STK3: variants seen among roughly 807,000 people sequenced by gnomAD.
STK3 encodes serine/threonine-protein kinase 3.
Under a neutral mutation model 58.0 loss-of-function variants are expected in STK3, and 41 were observed. That is an observed-to-expected ratio of 0.71 (90% confidence interval 0.55 to 0.92). STK3 has a LOEUF of 0.92. Ranked by LOEUF, STK3 falls within the 40% of genes least tolerant of loss-of-function variation. The probability of loss-of-function intolerance (pLI) is 0.00; values close to 1 mark genes in which losing one functional copy is unlikely to be tolerated. For synonymous variants in STK3, 170 were observed against 191.0 expected, an observed-to-expected ratio of 0.89 and a Z score of 0.91; for missense variants, 479 against 602.7, an observed-to-expected ratio of 0.79 and a Z score of 2.15.
intron 1 of STK3, among the ~76,000 whole-genome samples, chr8:98,784,786 AG>A (rs1832352463): frequency 6.6e-6 from 1 of 151,888 alleles, no homozygotes; most frequent in African/African-American, 2.4e-5. Flanking sequence ...CACATGGACT[AG>A]CAGATTGAGT....
chr8:98,891,630 A>T (rs979083730), intron 1 of STK3, among the ~76,000 whole-genome samples: 22 of 149,852 alleles, frequency 1.5e-4, no homozygotes, highest in South Asian at 6.3e-4. Context: ...TGTGTGTGAG[A>T]GAGAGAGAGA....
intron 10 of STK3, among the ~76,000 whole-genome samples, chr8:98,516,401 C>G (rs994556741): frequency 6.6e-6 from 1 of 151,992 alleles, no homozygotes; most frequent in African/African-American, 2.4e-5. Context: ...ATGATGACTA[C>G]TAGACACCCA....
intron 1 of STK3, among the ~76,000 whole-genome samples, chr8:98,935,993 T>C (rs1335201452): frequency 1.3e-5 from 2 of 152,130 alleles, no homozygotes; most frequent in Non-Finnish European, 2.9e-5. Context: ...ATTGGCTCAC[T>C]GCAAGCTCCA....
intron 3 of STK3, among the ~76,000 whole-genome samples, chr8:98,846,371 C>T (rs756839272): frequency 3.3e-5 from 5 of 152,192 alleles, no homozygotes; most frequent in Non-Finnish European, 5.9e-5. Context: ...AGCAAAAGTT[C>T]AAACCATGAC....
At position 98,679,381 on chromosome 8, in the gene STK3, T is replaced by A. The variant is rs541909783; in HGVS notation, c.684+27086A>T. ...GATACCCTCATTTTCTTCAGCTTTT[T>A]ATTCCAGTATCATCTTCTCAATGAG... On this transcript the variant is annotated intron_variant, in intron 6 of 10. Transcript: ENST00000419617. 2.4e-4 allele frequency among the ~76,000 whole-genome samples: 37 copies of A among 152,344 alleles called. No individual in the cohort carries two copies. The East Asian group carries it at 6.7e-3, about 28-fold the overall frequency.
intron 6 of STK3, among the ~76,000 whole-genome samples, chr8:98,670,652 GAAT>G (rs1475846967): frequency 6.6e-6 from 1 of 152,104 alleles, no homozygotes; most frequent in East Asian, 1.9e-4. Flanking sequence ...GGTTCTTTCT[GAAT>G]AATGCTTTTT....
chr8:98,861,590 C>T lies in STK3; in HGVS notation c.110+22057G>A, dbSNP rs77344194. ...CTCGAACTCCTGAGCTTGGGCAATC[C>T]GCCCACCTTGGTCTCCCAAAGTGCT... On this transcript the variant is annotated intron_variant, in intron 3 of 12. Transcript: ENST00000523601. Among the ~76,000 whole-genome samples the T allele has an allele frequency of 3.9e-3, 593 of 152,096 alleles. 24 individuals carry two copies. In the East Asian group the frequency reaches 0.091, roughly 23 times the overall value.
Position 98,800,356 on chromosome 8 carries a change from A to C in STK3, c.26+25159T>G, listed in dbSNP as rs1564013412. Among the ~76,000 whole-genome samples the C allele has an allele frequency of 6.6e-6, 1 of 152,248 alleles. No homozygotes were observed. The highest frequency in any genetic ancestry group is 1.5e-5 in the Non-Finnish European group (1 of 68,036). ...AGCCCCTATCCAGCAGGAAGTAGTT[A>C]GAGCGGTCATCGGCCAAATTCCCAA... On this transcript the variant is annotated intron_variant, in intron 1 of 10. Transcript: ENST00000419617. The surrounding 1 kb of genome is among the most constrained non-coding windows in gnomAD (Gnocchi z 4.8).
chr8:98,588,597 A>G (rs1049661753), intron 7 of STK3, among the ~76,000 whole-genome samples: 1 of 151,894 alleles, frequency 6.6e-6, no homozygotes, highest in African/African-American at 2.4e-5. Context: ...TTTCTCGAGG[A>G]GTATCTTTAT....
chr8:98,698,709 T>C (rs1464889375), intron 6 of STK3, among the ~76,000 whole-genome samples: 1 of 152,252 alleles, frequency 6.6e-6, no homozygotes, highest in East Asian at 1.9e-4. Flanking sequence ...TCTTCTGGCT[T>C]GTAGAGTTTC....
chr8:98,716,704 G>T (rs1827044218), intron 4 of STK3, among the ~76,000 whole-genome samples: 1 of 151,820 alleles, frequency 6.6e-6, no homozygotes, highest in South Asian at 2.1e-4. Flanking sequence ...AAATCTCAAG[G>T]GGCCCCAAAA....
intron 2 of STK3, among the ~76,000 whole-genome samples, chr8:98,377,414 T>C (rs946192224): frequency 1.3e-5 from 2 of 152,152 alleles, no homozygotes; most frequent in Non-Finnish European, 2.9e-5. Flanking sequence ...AATAGAAATT[T>C]CAATACATTA....
intron 6 of STK3, chr8:98,651,458 C>T (rs1820921556): frequency 6.6e-6 from 1 of 152,310 alleles, no homozygotes; most frequent in Non-Finnish European, 1.5e-5. Flanking sequence ...AGGAATGCAG[C>T]TCCTCACCAG....
intron 6 of STK3, among the ~76,000 whole-genome samples, chr8:98,642,128 C>A (rs977936737): frequency 3.9e-5 from 6 of 152,120 alleles, no homozygotes; most frequent in African/African-American, 1.4e-4. Flanking sequence ...CATTCCAATA[C>A]ACAAATGTCA....
chr8:98,386,007 C>T (rs563765907), intron 1 of STK3, among the ~76,000 whole-genome samples: 3 of 152,066 alleles, frequency 2.0e-5, no homozygotes, highest in East Asian at 1.9e-4. Flanking sequence ...ATAAGAAAGA[C>T]GAAAAATAGC....
At chr8:98,749,076 TAAAC>T (rs1829809597) in intron 4 of STK3, among the ~76,000 whole-genome samples, 196 bp downstream of exon 4, 1 of 151,936 alleles carries the variant, frequency 6.6e-6, no homozygotes, top group African/African-American at 2.4e-5. Context: ...ATAAATAAAT[TAAAC>T]AATCATGTAA....
In STK3 at chr8:98,428,697, T is replaced by C. The variant is rs1441866449; in HGVS notation, n.483+5430A>G. 3 of 1,614,096 alleles carry C rather than the reference T, an allele frequency of 1.9e-6. No individual in the cohort carries two copies. The highest frequency in any genetic ancestry group is 1.7e-6 in the Non-Finnish European group (2 of 1,180,052). On this transcript the variant is annotated intron_variant and non_coding_transcript_variant, in intron 3 of 3. Transcript: ENST00000517832. The surrounding 1 kb of genome is among the most constrained non-coding windows in gnomAD (Gnocchi z 6.7). ...GCACTTTGGCATTGCCTGGTTCACATTTGAGCTGGTGGCCAGGTTTGCTGT... is the reference window on the plus strand; with the variant it reads ...GCACTTTGGCATTGCCTGGTTCACACTTGAGCTGGTGGCCAGGTTTGCTGT...
intron 6 of STK3, among the ~76,000 whole-genome samples, chr8:98,678,550 CAG>C (rs1823391216): frequency 6.6e-6 from 1 of 151,932 alleles, no homozygotes; most frequent in Non-Finnish European, 1.5e-5. Context: ...ATCATAAAAA[CAG>C]AATGTATATG....
At chr8:98,376,359 C>T (rs1267841444) in intron 2 of STK3, among the ~76,000 whole-genome samples, 1 of 152,144 alleles carries the variant, frequency 6.6e-6, no homozygotes, top group Non-Finnish European at 1.5e-5. Context: ...ATATTTTCTC[C>T]TAGTCTGTAG....
Sources: gnomAD v4.1 joint callset for allele counts (sites outside exome capture counted in the v4.1 genomes callset) on GRCh38, gnomAD v4.1.1 for gene constraint, Gnocchi (gnomAD v3.1) non-coding constraint, MANE v1.5 for transcripts, NCBI Gene and HGNC (gene_info 2026-07-23, HGNC 2026-07-21) for gene names.